The following KDM1A variants were observed in gnomAD, a reference collection of about 807,000 sequenced individuals.
KDM1A encodes lysine-specific histone demethylase 1A.
Under a neutral mutation model 109.4 loss-of-function variants are expected in KDM1A, and 49 were observed. The observed-to-expected ratio is 0.45, with a 90% CI of 0.36 to 0.57. The LOEUF is 0.57. KDM1A is among the 20% of genes least tolerant of loss of function. The pLI, the probability that KDM1A is intolerant of heterozygous loss-of-function variation, is 0.00. For missense variants in KDM1A, 668 were observed against 1,116.6 expected, an observed-to-expected ratio of 0.60 and a Z score of 5.73; for synonymous variants, 380 against 415.4, an observed-to-expected ratio of 0.91 and a Z score of 1.04.
At chr1:23,073,492 C>A in intron 15 of KDM1A, 89 bp downstream of exon 15, 1 of 758,898 alleles carries the variant, frequency 1.3e-6, no homozygotes, top group South Asian at 1.6e-5. Context: ...TGTTTTTAAA[C>A]AGCTTTAGTA....
chr1:23,045,563 A>G (rs944417916), intron 3 of KDM1A, among the ~76,000 whole-genome samples: 5 of 152,214 alleles, frequency 3.3e-5, no homozygotes, highest in African/African-American at 4.8e-5. Flanking sequence ...AATGCTTTTC[A>G]TCAAATGACG....
At chr1:23,070,883 C>G (rs1183402307) in intron 12 of KDM1A, among the ~76,000 whole-genome samples, 2 of 151,658 alleles carry the variant, frequency 1.3e-5, no homozygotes, top group African/African-American at 4.8e-5. Flanking sequence ...GCAACAGTTT[C>G]CTTTTTGTGG....
chr1:23,023,450 G>A (rs181077861), intron 1 of KDM1A, among the ~76,000 whole-genome samples: 1 of 152,244 alleles, frequency 6.6e-6, no homozygotes, highest in East Asian at 1.9e-4. Context: ...ACAGTTTATT[G>A]AAGACTATTC....
At chr1:23,060,468 A>G (rs1642967527) in intron 9 of KDM1A, among the ~76,000 whole-genome samples, 2 of 152,170 alleles carry the variant, frequency 1.3e-5, no homozygotes. Flanking sequence ...ATATATTAAT[A>G]CCAGTAACAT....
intron 9 of KDM1A, among the ~76,000 whole-genome samples, chr1:23,064,694 A>C (rs1557572798): frequency 6.6e-6 from 1 of 152,230 alleles, no homozygotes; most frequent in Non-Finnish European, 1.5e-5. Flanking sequence ...TTGTCCAGAA[A>C]GTTGTTTGGC....
chr1:23,026,387 T>G (rs1382964119), intron 1 of KDM1A, among the ~76,000 whole-genome samples: 1 of 51,136 alleles, frequency 2.0e-5, no homozygotes. Context: ...TTTTTGTTTG[T>G]CTGTTTGTTT....
chr1:23,042,205 A>G (rs1468171531), intron 2 of KDM1A, among the ~76,000 whole-genome samples: 2 of 152,096 alleles, frequency 1.3e-5, no homozygotes, highest in East Asian at 1.9e-4. Context: ...AGATACCTTC[A>G]TGACAAGAGA....
chr1:23,019,557 C>T lies in KDM1A; in HGVS notation c.-40C>T, dbSNP rs1456151517. 3 of 1,375,802 alleles carry T rather than the reference C, an allele frequency of 2.2e-6. No individual in the cohort carries two copies. Among genetic ancestry groups the T allele is most frequent in the Non-Finnish European group, 1.9e-6 (2 of 1,068,190 alleles). 85.2% of individuals were successfully genotyped at this position (1,375,802 alleles called of 1,614,324 possible). A position where few individuals can be genotyped will look rare whatever the true frequency, so the allele number is the denominator to read the frequency against. ...TTTTCGGACCCACGGAGCGACAGAG[C>T]GAGCGGCCCCTACGGCCGTCGGCGG... is the stretch of plus-strand genomic sequence containing the variant. On this transcript the variant is annotated 5_prime_UTR_variant, in exon 1 of 21. Transcript: ENST00000400181.
At chr1:23,069,359 G>A (rs1026526440) in intron 12 of KDM1A, among the ~76,000 whole-genome samples, 2 of 152,186 alleles carry the variant, frequency 1.3e-5, no homozygotes, top group African/African-American at 4.8e-5. Context: ...ATGGTTGCCA[G>A]AGGAAATAGA....
Position 23,044,482 on chromosome 1 carries a change from A to C in KDM1A, c.573A>C (p.Ala191=). The change falls in exon 3 of 21, where the codon GCA becomes GCC. Residue 191 remains alanine, a synonymous_variant. Coordinates refer to ENST00000400181, the MANE Select transcript of KDM1A (RefSeq NM_001009999.3). ...DSSGGYGDGQ[A]SGVEGAAFQS... ...CTGGAGGGTATGGAGACGGCCAAGC[A>C]TCAGGTGAGGGTGGCATTAGATGCT... The C allele has an allele frequency of 6.2e-7, 1 of 1,610,596 alleles. No individual in the cohort carries two copies. Among genetic ancestry groups the C allele is most frequent in the Non-Finnish European group, 8.5e-7 (1 of 1,179,102 alleles).
intron 12 of KDM1A, 46 bp downstream of exon 12, chr1:23,069,197 GA>G: frequency 8.2e-7 from 1 of 1,225,636 alleles, no homozygotes. Context: ...TTTAATAGGA[GA>G]AAAAGTCTTT....
intron 9 of KDM1A, among the ~76,000 whole-genome samples, chr1:23,062,861 A>G (rs942150329): frequency 1.3e-5 from 2 of 152,150 alleles, no homozygotes; most frequent in African/African-American, 4.8e-5. Context: ...GATCTCCACT[A>G]CCTTAAGCCT....
chr1:23,070,505 A>G (rs1643286247), intron 12 of KDM1A, among the ~76,000 whole-genome samples: 1 of 151,562 alleles, frequency 6.6e-6, no homozygotes, highest in Non-Finnish European at 1.5e-5. Context: ...GACCTTTTAC[A>G]TATTTAAAAA....
intron 2 of KDM1A, among the ~76,000 whole-genome samples, chr1:23,038,166 G>T (rs1470020306): frequency 3.3e-5 from 5 of 152,078 alleles, no homozygotes; most frequent in Non-Finnish European, 7.4e-5. Flanking sequence ...CACACATACT[G>T]TGTTACTTTG....
intron 4 of KDM1A, among the ~76,000 whole-genome samples, chr1:23,052,482 A>T (rs930422933): frequency 4.6e-5 from 7 of 152,216 alleles, no homozygotes; most frequent in Non-Finnish European, 8.8e-5. Context: ...ATATAGCCAA[A>T]TTAATTTCTT....
At chr1:23,027,064 T>TA (rs879478598) in intron 1 of KDM1A, among the ~76,000 whole-genome samples, 159 of 144,728 alleles carry the variant, frequency 1.1e-3, no homozygotes, top group South Asian at 1.5e-3. Context: ...TAAAATTATC[T>TA]AAAAAAAAAA....
chr1:23,072,668 G>C (rs542767391), intron 14 of KDM1A, among the ~76,000 whole-genome samples: 2 of 151,996 alleles, frequency 1.3e-5, no homozygotes, highest in African/African-American at 4.8e-5. Flanking sequence ...TTTTTGAGAT[G>C]GGATCTCGCT....
intron 2 of KDM1A, among the ~76,000 whole-genome samples, chr1:23,041,912 C>T (rs572534271): frequency 2.6e-5 from 4 of 152,208 alleles, no homozygotes; most frequent in South Asian, 2.1e-4. Context: ...AAGACTGCCT[C>T]GTTGCCCTTT....
intron 8 of KDM1A, 136 bp from the exon 9 acceptor site, chr1:23,058,937 C>CTT (rs139330847): frequency 5.2e-5 from 24 of 457,266 alleles, no homozygotes; most frequent in South Asian, 1.1e-4. Flanking sequence ...ACTTAGAGTG[C>CTT]TTTTTTTTTT....
Sources: allele counts gnomAD v4.1 joint callset (sites outside exome capture counted in the v4.1 genomes callset), GRCh38; gene constraint gnomAD v4.1.1; transcripts MANE v1.5; gene names NCBI Gene and HGNC (gene_info 2026-07-23, HGNC 2026-07-21).